Variants in PPP1CC observed in about 807,000 individuals in gnomAD.
PPP1CC encodes protein phosphatase 1 catalytic subunit gamma.
PPP1CC carries 16 observed loss-of-function variants against 38.4 expected under a neutral mutation model. The observed-to-expected ratio is 0.42, with a 90% CI of 0.28 to 0.63. The LOEUF (loss-of-function observed/expected upper bound fraction) is 0.63, where lower values mean the gene tolerates loss of function less well. Ranked by LOEUF, PPP1CC falls within the 30% of genes least tolerant of loss-of-function variation. PPP1CC has a pLI of 0.25. For synonymous variants in PPP1CC, 158 were observed against 136.0 expected, an observed-to-expected ratio of 1.16 and a Z score of -1.13; for missense variants, 170 against 391.3, an observed-to-expected ratio of 0.43 and a Z score of 4.77.
intron 1 of PPP1CC, among the ~76,000 whole-genome samples, chr12:110,739,013 C>A (rs1359295325): frequency 6.6e-6 from 1 of 152,150 alleles, no homozygotes; most frequent in Non-Finnish European, 1.5e-5. Context: ...GTAAAAATTA[C>A]CTGCTCTGTA....
In PPP1CC at chr12:110,720,960, G is replaced by A; in HGVS notation, c.*116C>T. 1.3e-6 allele frequency: 1 copy of A among 767,476 alleles called. No homozygotes were observed. Among genetic ancestry groups the A allele is most frequent in the Non-Finnish European group, 2.0e-6 (1 of 487,872 alleles). The allele number at this position is 767,476 out of a possible 1,614,324, so 47.5% of individuals were successfully genotyped here. A position where few individuals can be genotyped will look rare whatever the true frequency, so the allele number is the denominator to read the frequency against. On this transcript the variant is annotated 3_prime_UTR_variant, in exon 7 of 7. Coordinates refer to ENST00000335007, the MANE Select transcript of PPP1CC (RefSeq NM_002710.4). Reference sequence around the variant, plus strand: ...TCACTAAATCAAAAATGGAAGGAAGGGCCCCCACAAACACAGATCTATCTG... The same window carrying A: ...TCACTAAATCAAAAATGGAAGGAAGAGCCCCCACAAACACAGATCTATCTG...
At chr12:110,717,982 A>C (rs567940339), downstream of PPP1CC, among the ~76,000 whole-genome samples, 1 of 152,268 alleles carries the variant, frequency 6.6e-6, no homozygotes, top group East Asian at 1.9e-4. Context: ...ACTTCCCAGC[A>C]AACTGAATTC....
downstream of PPP1CC, among the ~76,000 whole-genome samples, chr12:110,716,719 T>G (rs190858950): frequency 5.0e-4 from 76 of 152,352 alleles, no homozygotes; most frequent in South Asian, 2.5e-3. Context: ...TCCTCTAACA[T>G]ATTTATCTTT....
At chr12:110,740,405 G>A (rs538653118) in intron 1 of PPP1CC, among the ~76,000 whole-genome samples, 27 of 152,136 alleles carry the variant, frequency 1.8e-4, no homozygotes, top group African/African-American at 6.0e-4. Context: ...GGGCAACACA[G>A]TGAGACTCTC....
chr12:110,742,626 C>G lies in PPP1CC; in HGVS notation c.55+27G>C, dbSNP rs754008460. 22 of 1,436,920 alleles carry G rather than the reference C, an allele frequency of 1.5e-5. No individual in the cohort carries two copies. In the Middle Eastern group the frequency reaches 5.6e-4, roughly 37 times the overall value. 89.0% of individuals were successfully genotyped at this position (1,436,920 alleles called of 1,614,324 possible). A position where few individuals can be genotyped will look rare whatever the true frequency, so the allele number is the denominator to read the frequency against. Reference sequence around the variant, plus strand: ...CCTGCCGCCCTCAGGCCCGCCTCCCCCTTCAGCCGCCCGCCGCCCCCCTTA... The same window carrying G: ...CCTGCCGCCCTCAGGCCCGCCTCCCGCTTCAGCCGCCCGCCGCCCCCCTTA... On this transcript the variant is annotated intron_variant, in intron 1 of 6. Coordinates refer to ENST00000335007, the MANE Select transcript of PPP1CC (RefSeq NM_002710.4).
Position 110,730,746 on chromosome 12 carries a change from T to A in PPP1CC, c.201A>T (p.Gly67=). The change falls in exon 3 of 7, where the codon GGA becomes GGT. Residue 67 remains glycine, a synonymous_variant. Coordinates refer to ENST00000335007, the MANE Select transcript of PPP1CC (RefSeq NM_002710.4). The part of the protein sequence containing the change: ...APLKICGDIH[G]QYYDLLRLFE... ...AAAGTCGCAGCAAATCATAGTATTG[T>A]CCATGGATGTCACCTGGAAGCAAGA... The A allele has an allele frequency of 6.2e-7, 1 of 1,606,444 alleles. No homozygotes were observed. Among genetic ancestry groups the A allele is most frequent in the Non-Finnish European group, 8.5e-7 (1 of 1,177,318 alleles).
rs2069717953 is a variant in PPP1CC, at chr12:110,719,829, A to G, written c.*1247T>C. ...AACCGTGTGGTTTCCAGAGCAATTTATTCAGGAAAATCTATTCAATATGCC... is the reference window on the plus strand; with the variant it reads ...AACCGTGTGGTTTCCAGAGCAATTTGTTCAGGAAAATCTATTCAATATGCC... On this transcript the variant is annotated 3_prime_UTR_variant, in exon 7 of 7. Coordinates refer to ENST00000335007, the MANE Select transcript of PPP1CC (RefSeq NM_002710.4). 1.3e-5 allele frequency: 4 copies of G among 312,868 alleles called. No homozygotes were observed. Among genetic ancestry groups the G allele is most frequent in the Non-Finnish European group, 2.3e-5 (4 of 170,290 alleles). 19.4% of individuals were successfully genotyped at this position (312,868 alleles called of 1,614,324 possible).
At chr12:110,742,531 G>A (rs2070029988) in intron 1 of PPP1CC, 122 bp downstream of exon 1, 3 of 800,528 alleles carry the variant, frequency 3.7e-6, no homozygotes, top group South Asian at 3.8e-5. Context: ...CCAACTCGAG[G>A]AGCTCACTCC....
chr12:110,731,561 A>AT (rs200098308), intron 2 of PPP1CC, among the ~76,000 whole-genome samples: 6,942 of 152,080 alleles, frequency 0.046, 448 homozygotes, highest in African/African-American at 0.15. Context: ...TCAGCAAAAT[A>AT]TTTTTTTTAA....
chr12:110,731,409 A>C (rs1170237817), intron 2 of PPP1CC, among the ~76,000 whole-genome samples: 2 of 152,108 alleles, frequency 1.3e-5, no homozygotes, highest in Non-Finnish European at 2.9e-5. Context: ...GAACCACAAA[A>C]TCAGTATCAA....
intron 3 of PPP1CC, among the ~76,000 whole-genome samples, chr12:110,728,940 G>A (rs1024319695): frequency 6.6e-6 from 1 of 152,162 alleles, no homozygotes; most frequent in African/African-American, 2.4e-5. Context: ...TATGTGAATT[G>A]AGATGGAAAA....
Position 110,730,779 on chromosome 12 carries a change from TAC to T in PPP1CC, c.188-22_188-21del. The T allele has an allele frequency of 6.5e-7, 1 of 1,532,838 alleles. No homozygotes were observed. Among genetic ancestry groups the T allele is most frequent in the Non-Finnish European group, 8.9e-7 (1 of 1,118,144 alleles). 95.0% of individuals were successfully genotyped at this position (1,532,838 alleles called of 1,614,324 possible). ...TGTCACCTGGAAGCAAGAATTTTGT[TAC>T]ACAGTGTTCCCATACTTAAAGCTCA... On this transcript the variant is annotated intron_variant, in intron 2 of 6. Coordinates refer to ENST00000335007, the MANE Select transcript of PPP1CC (RefSeq NM_002710.4).
rs543085229 is a variant in PPP1CC at position 110,737,921 on chromosome 12, T to TA, written c.55+4731dup. ...GGACAGAGTGAGACCCAGTCTCTAG[T>TA]AAAAAAAATAAAAGTGACACCATTT... On this transcript the variant is annotated intron_variant, in intron 1 of 6. Transcript: ENST00000335007. 8.6e-3 allele frequency among the ~76,000 whole-genome samples: 1,312 copies of TA among 151,842 alleles called. 27 individuals are homozygous for TA. Among genetic ancestry groups the TA allele is most frequent in the African/African-American group, 0.03 (1,252 of 41,342 alleles).
the PPP1CC span, among the ~76,000 whole-genome samples, chr12:110,713,277 C>G: frequency 6.6e-6 from 1 of 151,878 alleles, no homozygotes; most frequent in African/African-American, 2.4e-5. Context: ...GGACTGCAGG[C>G]ACACGCTGCC....
In PPP1CC at chr12:110,742,636, C is replaced by T; in HGVS notation, c.55+17G>A. 6.9e-7 allele frequency: 1 copy of T among 1,445,502 alleles called. No individual in the cohort carries two copies. The highest frequency in any genetic ancestry group is 9.1e-7 in the Non-Finnish European group (1 of 1,093,598). The allele number at this position is 1,445,502 out of a possible 1,614,324, so 89.5% of individuals were successfully genotyped here. A position where few individuals can be genotyped will look rare whatever the true frequency, so the allele number is the denominator to read the frequency against. Reference sequence around the variant, plus strand: ...TCAGGCCCGCCTCCCCCTTCAGCCGCCCGCCGCCCCCCTTACCTTCCAGCA... The same window carrying T: ...TCAGGCCCGCCTCCCCCTTCAGCCGTCCGCCGCCCCCCTTACCTTCCAGCA... On this transcript the variant is annotated intron_variant, in intron 1 of 6. Transcript: ENST00000335007.
At chr12:110,715,898 G>C (rs1003169197), downstream of PPP1CC, among the ~76,000 whole-genome samples, 10 of 150,770 alleles carry the variant, frequency 6.6e-5, no homozygotes, top group Admixed American at 6.6e-4. Flanking sequence ...TGGGATTACA[G>C]GCGTGAGCCA....
chr12:110,727,213 A>T (rs981364373), intron 3 of PPP1CC, among the ~76,000 whole-genome samples: 1 of 152,214 alleles, frequency 6.6e-6, no homozygotes, highest in Non-Finnish European at 1.5e-5. Flanking sequence ...GGCCTCCCAA[A>T]GTGCTGGGAT....
At chr12:110,709,072 T>C in the PPP1CC span, among the ~76,000 whole-genome samples, 2 of 151,284 alleles carry the variant, frequency 1.3e-5, no homozygotes, top group Non-Finnish European at 2.9e-5. Flanking sequence ...GAAACAACTA[T>C]GAGGAACAAT....
the PPP1CC span, among the ~76,000 whole-genome samples, chr12:110,713,139 C>CT: frequency 1.7e-4 from 26 of 148,800 alleles, 1 homozygote; most frequent in East Asian, 5.9e-4. Context: ...TGTTGACTTT[C>CT]TTTTTTTTTT....
Sources: gnomAD v4.1 joint callset for allele counts (sites outside exome capture counted in the v4.1 genomes callset) on GRCh38, gnomAD v4.1.1 for gene constraint, MANE v1.5 for transcripts, NCBI Gene and HGNC (gene_info 2026-07-23, HGNC 2026-07-21) for gene names.